PGRMC2: variants seen among roughly 807,000 people sequenced by gnomAD.
PGRMC2 encodes membrane-associated progesterone receptor component 2.
PGRMC2 carries 9 observed loss-of-function variants against 19.3 expected under a neutral mutation model. The ratio of observed to expected loss-of-function variants is 0.47; its 90% CI spans 0.28 to 0.81. The LOEUF (loss-of-function observed/expected upper bound fraction) is 0.81, where lower values mean the gene tolerates loss of function less well. PGRMC2 is among the 40% of genes least tolerant of loss of function. The pLI is 0.11. For synonymous variants in PGRMC2, 157 were observed against 124.6 expected, an observed-to-expected ratio of 1.26 and a Z score of -1.73; for missense variants, 289 against 297.3, an observed-to-expected ratio of 0.97 and a Z score of 0.21.
chr4:128,278,501 T>C (rs1760850845), intron 1 of PGRMC2, among the ~76,000 whole-genome samples: 1 of 151,714 alleles, frequency 6.6e-6, no homozygotes, highest in South Asian at 2.1e-4. Flanking sequence ...GAACCCGGGA[T>C]ACGCAGGTTG....
At chr4:128,279,764 T>G (rs991696748) in intron 1 of PGRMC2, among the ~76,000 whole-genome samples, 1 of 152,192 alleles carries the variant, frequency 6.6e-6, no homozygotes, top group Non-Finnish European at 1.5e-5. Flanking sequence ...AGGGTATGCA[T>G]AGTATACTAT....
chr4:128,279,977 T>G (rs11944135), intron 1 of PGRMC2, among the ~76,000 whole-genome samples: 1 of 150,868 alleles, frequency 6.6e-6, no homozygotes, highest in Non-Finnish European at 1.5e-5. Context: ...TAAAAAATCA[T>G]TGTTTTAACT....
chr4:128,280,109 T>C (rs1468931672), intron 1 of PGRMC2, among the ~76,000 whole-genome samples: 3 of 151,904 alleles, frequency 2.0e-5, no homozygotes, highest in Middle Eastern at 3.4e-3. Flanking sequence ...GATAATAAGT[T>C]CACAATAAAA....
rs529658698 is a variant in PGRMC2 at position 128,269,392 on chromosome 4, A to C, written c.*1924T>G. On this transcript the variant is annotated 3_prime_UTR_variant, in exon 3 of 3. Coordinates refer to ENST00000296425, the MANE Select transcript of PGRMC2 (RefSeq NM_006320.6). ...TATTACTAGACTTTAGGCTTGAATG[A>C]TTCATATATATAGATATCAGTTTAC... 2 of 152,178 alleles carry C rather than the reference A, an allele frequency of 1.3e-5. No homozygotes were observed. Among genetic ancestry groups the C allele is most frequent in the Non-Finnish European group, 2.9e-5 (2 of 68,034 alleles). The allele number at this position is 152,178 out of a possible 1,614,324, so 9.4% of individuals were successfully genotyped here.
intron 1 of PGRMC2, among the ~76,000 whole-genome samples, chr4:128,283,531 A>G (rs1190466949): frequency 6.6e-6 from 1 of 152,248 alleles, no homozygotes; most frequent in Non-Finnish European, 1.5e-5. Flanking sequence ...TGGTGGGCTC[A>G]GCACTTTATA....
At chr4:128,279,475 T>C (rs1215114635) in intron 1 of PGRMC2, among the ~76,000 whole-genome samples, 3 of 152,280 alleles carry the variant, frequency 2.0e-5, no homozygotes, top group Non-Finnish European at 4.4e-5. Context: ...AAGGGCAGTT[T>C]AGAAACAAGA....
At chr4:128,272,336 C>A in intron 2 of PGRMC2, 26 bp downstream of exon 2, 1 of 1,389,650 alleles carries the variant, frequency 7.2e-7, no homozygotes, top group Non-Finnish European at 9.5e-7. Flanking sequence ...TTTAATTTTC[C>A]AAAGAATCCA....
At position 128,271,698 on chromosome 4, in the gene PGRMC2, T is replaced by A. The variant is rs147236911; in HGVS notation, c.575-285A>T. Among the ~76,000 whole-genome samples the A allele has an allele frequency of 7.2e-5, 11 of 152,336 alleles. No individual in the cohort carries two copies. The East Asian group carries it at 2.1e-3, about 29-fold the overall frequency. On this transcript the variant is annotated intron_variant, in intron 2 of 2. Coordinates refer to ENST00000296425, the MANE Select transcript of PGRMC2 (RefSeq NM_006320.6). Reference sequence around the variant, plus strand: ...ATACTGCATCAGAATCACTTGGAGATCTTTTTTAAAAATGAGTAAGTCCAG... The same window carrying A: ...ATACTGCATCAGAATCACTTGGAGAACTTTTTTAAAAATGAGTAAGTCCAG...
At chr4:128,272,883 C>G (rs909601037) in intron 1 of PGRMC2, 1 of 164,052 alleles carries the variant, frequency 6.1e-6, no homozygotes, top group Non-Finnish European at 1.3e-5. Context: ...ATAATGTTTA[C>G]TGGTTGCTGT....
rs372309322 is a variant in PGRMC2, at chr4:128,283,370, TCTC to T, written c.418+4000_418+4002del. Among the ~76,000 whole-genome samples the T allele has an allele frequency of 3.4e-3, 520 of 152,328 alleles. 3 individuals carry two copies. The highest frequency in any genetic ancestry group is 0.012 in the African/African-American group (490 of 41,570). ...AGCTCAATAAATGGAGTTTCCTCCTTCTCCTCCTCTGACCTTTAGAATCAGTGT... is the reference window on the plus strand; with the variant it reads ...AGCTCAATAAATGGAGTTTCCTCCTTCTCCTCTGACCTTTAGAATCAGTGT... On this transcript the variant is annotated intron_variant, in intron 1 of 2. Transcript: ENST00000296425.
In PGRMC2 at chr4:128,271,293, CT is replaced by C; in HGVS notation, c.*22del. 1 of 1,350,670 alleles carries C rather than the reference CT, an allele frequency of 7.4e-7. No individual in the cohort carries two copies. Among genetic ancestry groups the C allele is most frequent in the South Asian group, 1.2e-5 (1 of 82,758 alleles). The allele number at this position is 1,350,670 out of a possible 1,614,324, so 83.7% of individuals were successfully genotyped here. A position where few individuals can be genotyped will look rare whatever the true frequency, so the allele number is the denominator to read the frequency against. ...GTAAGAATTGCAGTTCTGAAGGCCCCTGACTTTGGTTGTTTACAAAGTTCAA... is the reference window on the plus strand; with the variant it reads ...GTAAGAATTGCAGTTCTGAAGGCCCCGACTTTGGTTGTTTACAAAGTTCAA... On this transcript the variant is annotated 3_prime_UTR_variant, in exon 3 of 3. Transcript: ENST00000296425.
chr4:128,271,448 C>A, intron 2 of PGRMC2, 35 bp from the exon 3 acceptor site: 1 of 1,156,134 alleles, frequency 8.6e-7, no homozygotes, highest in South Asian at 1.3e-5. Flanking sequence ...CAGTGGTGAT[C>A]AAATTTGTTT....
At chr4:128,276,077 A>G (rs746683317) in intron 1 of PGRMC2, among the ~76,000 whole-genome samples, 14 of 152,148 alleles carry the variant, frequency 9.2e-5, no homozygotes, top group Non-Finnish European at 1.8e-4. Flanking sequence ...TTGGAACTGG[A>G]TGGGTTATTC....
rs1161908088 is a variant in PGRMC2, at chr4:128,269,458, T to C, written c.*1858A>G. 1.3e-5 allele frequency: 2 copies of C among 152,154 alleles called. No individual in the cohort carries two copies. Among genetic ancestry groups the C allele is most frequent in the Non-Finnish European group, 2.9e-5 (2 of 68,034 alleles). 9.4% of individuals were successfully genotyped at this position (152,154 alleles called of 1,614,324 possible). ...CTTTTAACATTTTTTGTTTAGAAAA[T>C]ATTTTACATAAAAACACAAAGCATT... On this transcript the variant is annotated 3_prime_UTR_variant, in exon 3 of 3. Coordinates refer to ENST00000296425, the MANE Select transcript of PGRMC2 (RefSeq NM_006320.6).
At chr4:128,277,943 A>G (rs1221668758) in intron 1 of PGRMC2, among the ~76,000 whole-genome samples, 1 of 152,226 alleles carries the variant, frequency 6.6e-6, no homozygotes, top group Non-Finnish European at 1.5e-5. Flanking sequence ...AGACCAAACT[A>G]AATAATCTCT....
intron 1 of PGRMC2, among the ~76,000 whole-genome samples, chr4:128,278,368 A>T (rs1760847448): frequency 6.6e-6 from 1 of 152,162 alleles, no homozygotes; most frequent in South Asian, 2.1e-4. Context: ...CAGGAGTTTG[A>T]GACCAACCTG....
intron 1 of PGRMC2, among the ~76,000 whole-genome samples, chr4:128,279,884 G>T (rs889235466): frequency 3.3e-5 from 5 of 152,148 alleles, no homozygotes; most frequent in Admixed American, 1.3e-4. Flanking sequence ...GAACATGGTG[G>T]CTGGGACTAG....
intron 1 of PGRMC2, among the ~76,000 whole-genome samples, chr4:128,276,792 C>A (rs1014171500): frequency 1.3e-5 from 2 of 152,074 alleles, no homozygotes; most frequent in African/African-American, 4.8e-5. Context: ...TAAGCAAATT[C>A]GTGCTACAAA....
chr4:128,272,551 T>C (rs1483420711), intron 1 of PGRMC2, 34 bp from the exon 2 acceptor site: 1 of 956,356 alleles, frequency 1.0e-6, no homozygotes, highest in Non-Finnish European at 1.4e-6. Flanking sequence ...TTAGATCACC[T>C]AACAATATTT....
Sources: allele counts gnomAD v4.1 joint callset (sites outside exome capture counted in the v4.1 genomes callset), GRCh38; gene constraint gnomAD v4.1.1; transcripts MANE v1.5; gene names NCBI Gene and HGNC (gene_info 2026-07-23, HGNC 2026-07-21).